The following SLC2A9 variants were observed in gnomAD, a reference collection of about 807,000 sequenced individuals.
The protein encoded by SLC2A9 is solute carrier family 2 member 9, also known as solute carrier family 2, facilitated glucose transporter member 9.
Under a neutral mutation model 50.6 loss-of-function variants are expected in SLC2A9, and 39 were observed. The ratio of observed to expected loss-of-function variants is 0.77; its 90% CI spans 0.60 to 1.01. The LOEUF (loss-of-function observed/expected upper bound fraction) is 1.01. SLC2A9 is among the 50% of genes least tolerant of loss of function. SLC2A9 has a pLI of 0.00. For synonymous variants in SLC2A9, 324 were observed against 276.9 expected, an observed-to-expected ratio of 1.17 and a Z score of -1.69; for missense variants, 686 against 677.6, an observed-to-expected ratio of 1.01 and a Z score of -0.14.
intron 6 of SLC2A9, among the ~76,000 whole-genome samples, chr4:9,938,964 G>A (rs1022300028): frequency 3.9e-5 from 6 of 152,182 alleles, no homozygotes; most frequent in African/African-American, 1.2e-4. Flanking sequence ...CTTGTCTGAA[G>A]TGATTGTGTT....
intron 2 of SLC2A9, among the ~76,000 whole-genome samples, chr4:10,017,116 G>C (rs1762735781): frequency 6.6e-6 from 1 of 152,204 alleles, no homozygotes; most frequent in Non-Finnish European, 1.5e-5. Flanking sequence ...CCTCCAGGCT[G>C]TCTTCCCTGA....
At chr4:9,796,285 T>C (rs1371467738), downstream of SLC2A9, among the ~76,000 whole-genome samples, 1 of 152,192 alleles carries the variant, frequency 6.6e-6, no homozygotes, top group East Asian at 1.9e-4. Context: ...GACCTTAACA[T>C]TGTCATCCCA....
Position 9,889,945 on chromosome 4 carries a change from A to C in SLC2A9, c.1215+665T>G, listed in dbSNP as rs149552851. ...TTTATCCCTCAGTTTCCTTATCTCC[A>C]TAAAACAAAAAAATACTGATGTTGT... On this transcript the variant is annotated intron_variant, in intron 9 of 11. Transcript: ENST00000264784. Among the ~76,000 whole-genome samples the C allele has an allele frequency of 2.6e-5, 4 of 152,298 alleles. No individual in the cohort carries two copies. The East Asian group carries it at 7.7e-4, about 29-fold the overall frequency.
At chr4:10,000,518 T>C (rs181570853) in intron 2 of SLC2A9, among the ~76,000 whole-genome samples, 1 of 152,302 alleles carries the variant, frequency 6.6e-6, no homozygotes, top group East Asian at 1.9e-4. Context: ...CCAGGTGCCA[T>C]CTGGTTGCTT....
At chr4:9,919,376 A>G (rs1316767087) in intron 7 of SLC2A9, among the ~76,000 whole-genome samples, 1 of 152,188 alleles carries the variant, frequency 6.6e-6, no homozygotes, top group African/African-American at 2.4e-5. Flanking sequence ...AATAGAACCA[A>G]CAGTTGTTGA....
chr4:10,021,447 C>T lies in SLC2A9; in HGVS notation c.-18G>A. 2 of 1,614,062 alleles carry T rather than the reference C, an allele frequency of 1.2e-6. No individual in the cohort carries two copies. The highest frequency in any genetic ancestry group is 1.7e-6 in the Non-Finnish European group (2 of 1,179,978). On this transcript the variant is annotated 5_prime_UTR_variant, in exon 1 of 12. Transcript: ENST00000264784. ...CTTGCCATGGGTCTCAGTGACCCAG[C>T]TGATGGCTCAGTCCAGGGACCCCAG...
At chr4:9,962,557 G>A (rs1378910689) in intron 5 of SLC2A9, among the ~76,000 whole-genome samples, 1 of 152,088 alleles carries the variant, frequency 6.6e-6, no homozygotes, top group Non-Finnish European at 1.5e-5. Context: ...ACACACACTG[G>A]GGCCTATCGG....
chr4:9,846,274 T>G (rs1209835817), intron 10 of SLC2A9, among the ~76,000 whole-genome samples: 1 of 152,058 alleles, frequency 6.6e-6, no homozygotes, highest in African/African-American at 2.4e-5. Context: ...TATCAGCAAA[T>G]AGAACTCATG....
intron 3 of SLC2A9, among the ~76,000 whole-genome samples, chr4:9,808,859 C>A (rs1722476498): frequency 1.3e-5 from 2 of 152,118 alleles, no homozygotes; most frequent in African/African-American, 4.8e-5. Flanking sequence ...TCCAGGGGCA[C>A]CATTCACACA....
At chr4:9,942,414 C>G (rs772072281) in intron 5 of SLC2A9, among the ~76,000 whole-genome samples, 34 of 152,208 alleles carry the variant, frequency 2.2e-4, no homozygotes, top group African/African-American at 7.7e-4. Context: ...AGGGCTGCCT[C>G]CCAGGCTGCC....
intron 6 of SLC2A9, among the ~76,000 whole-genome samples, chr4:9,929,426 G>T (rs1014120041): frequency 1.3e-5 from 2 of 152,260 alleles, no homozygotes; most frequent in African/African-American, 4.8e-5. Context: ...CACAGGGGAA[G>T]ATGGGGCATT....
chr4:9,934,284 C>T (rs144632313), intron 6 of SLC2A9, among the ~76,000 whole-genome samples: 59 of 152,318 alleles, frequency 3.9e-4, no homozygotes, highest in African/African-American at 1.4e-3. Context: ...TGGGTAAGCA[C>T]AAAAATGATG....
intron 5 of SLC2A9, among the ~76,000 whole-genome samples, chr4:9,970,819 G>A (rs753869359): frequency 4.6e-5 from 7 of 152,168 alleles, no homozygotes; most frequent in East Asian, 1.9e-4. Context: ...ACCCAAAACC[G>A]GACCCAAAAC....
downstream of SLC2A9, among the ~76,000 whole-genome samples, chr4:9,777,459 T>C (rs1408501771): frequency 6.6e-6 from 1 of 152,134 alleles, no homozygotes; most frequent in Non-Finnish European, 1.5e-5. Flanking sequence ...TTACACACCA[T>C]GTATTGTCTT....
chr4:9,814,252 C>A (rs1193422358), intron 3 of SLC2A9, among the ~76,000 whole-genome samples: 1 of 152,224 alleles, frequency 6.6e-6, no homozygotes, highest in Non-Finnish European at 1.5e-5. Flanking sequence ...TCTTACCTAC[C>A]ATTTTCTCAA....
chr4:9,782,097 A>T (rs766183341), intron 3 of SLC2A9: 3 of 1,529,772 alleles, frequency 2.0e-6, no homozygotes, highest in Non-Finnish European at 2.6e-6. Context: ...CAGCTGGCGC[A>T]GGGGAACGCC....
At chr4:9,962,528 G>A (rs948881779) in intron 5 of SLC2A9, among the ~76,000 whole-genome samples, 194 of 152,038 alleles carry the variant, frequency 1.3e-3, no homozygotes, top group Non-Finnish European at 4.1e-4. Flanking sequence ...GAGAACACAC[G>A]GACACAGTGA....
chr4:9,995,715 C>T (rs935543775), intron 3 of SLC2A9: 1 of 152,220 alleles, frequency 6.6e-6, no homozygotes, highest in African/African-American at 2.4e-5. Flanking sequence ...CAACTCATGG[C>T]CATTCTCCTT....
chr4:9,908,383 G>T, intron 7 of SLC2A9, 38 bp from the exon 8 acceptor site: 1 of 1,387,980 alleles, frequency 7.2e-7, no homozygotes, highest in Non-Finnish European at 1.0e-6. Context: ...AGAATGGTCA[G>T]TGGAAGGACT....
Sources: gnomAD v4.1 joint callset for allele counts (sites outside exome capture counted in the v4.1 genomes callset) on GRCh38, gnomAD v4.1.1 for gene constraint, MANE v1.5 for transcripts, NCBI Gene and HGNC (gene_info 2026-07-23, HGNC 2026-07-21) for gene names.